The following NRXN1 variants were observed in gnomAD, a reference collection of about 807,000 sequenced individuals.
NRXN1 encodes neurexin 1.
A neutral mutation model predicts 150.9 loss-of-function variants in NRXN1; 39 were observed. The ratio of observed to expected loss-of-function variants is 0.26; its 90% CI spans 0.20 to 0.34. The LOEUF is 0.34. Among genes scored for constraint, NRXN1 ranks in the 10% least tolerant of loss-of-function variants. The pLI, the probability that NRXN1 is intolerant of heterozygous loss-of-function variation, is 1.00. For missense variants in NRXN1, 1,815 were observed against 1,949.9 expected (o/e 0.93, Z 1.30); for synonymous variants, 924 against 757.0 (o/e 1.22, Z -3.62).
At chr2:50,522,358 G>C (rs925359271) in intron 12 of NRXN1, among the ~76,000 whole-genome samples, 1 of 152,178 alleles carries the variant, frequency 6.6e-6, no homozygotes, top group South Asian at 2.1e-4. Context: ...AAGAGAATTT[G>C]ATCAATTTGG....
chr2:50,118,853 A>G (rs1703446005), intron 18 of NRXN1, among the ~76,000 whole-genome samples: 1 of 152,192 alleles, frequency 6.6e-6, no homozygotes, highest in African/African-American at 2.4e-5. Context: ...AGTCTGGAAT[A>G]CATTTTAATT....
chr2:50,150,346 G>A (rs116465708), intron 18 of NRXN1, among the ~76,000 whole-genome samples: 176 of 151,874 alleles, frequency 1.2e-3, no homozygotes, highest in African/African-American at 4.0e-3. Context: ...TATAAAGACA[G>A]CACAGTCCAC....
At chr2:50,281,316 C>CACAAAAAAAAAAAACAAAACAAAACA (rs1187135501) in intron 17 of NRXN1, among the ~76,000 whole-genome samples, 4 of 124,630 alleles carry the variant, frequency 3.2e-5, no homozygotes, top group African/African-American at 1.1e-4. Context: ...GACTCCGTCT[C>CACAAAAAAAAAAAACAAAACAAAACA]AAAAACAATA....
intron 5 of NRXN1, among the ~76,000 whole-genome samples, chr2:50,787,445 C>T (rs1465764492): frequency 6.6e-6 from 1 of 151,700 alleles, no homozygotes; most frequent in South Asian, 2.1e-4. Flanking sequence ...GCCTGTAATC[C>T]CAGCTATTCG....
At chr2:50,432,093 A>C (rs371929146) in intron 17 of NRXN1, among the ~76,000 whole-genome samples, 5 of 152,138 alleles carry the variant, frequency 3.3e-5, no homozygotes, top group Non-Finnish European at 5.9e-5. Context: ...TGCGGAGAAG[A>C]CTTCCTAGTT....
intron 18 of NRXN1, among the ~76,000 whole-genome samples, chr2:50,185,252 T>A (rs1395650383): frequency 3.3e-5 from 5 of 152,060 alleles, no homozygotes; most frequent in Non-Finnish European, 7.4e-5. Context: ...TGGCACACAT[T>A]TTATATCACT....
intron 10 of NRXN1, among the ~76,000 whole-genome samples, chr2:50,534,243 C>T (rs2093195090): frequency 6.6e-6 from 1 of 152,030 alleles, no homozygotes; most frequent in Non-Finnish European, 1.5e-5. Flanking sequence ...CAGTACTGTG[C>T]ATGAACGAAA....
intron 18 of NRXN1, among the ~76,000 whole-genome samples, chr2:50,107,699 C>A (rs1701872157): frequency 6.6e-6 from 1 of 151,382 alleles, no homozygotes; most frequent in South Asian, 2.1e-4. Flanking sequence ...ACAATAATTG[C>A]AGAAATTACT....
chr2:50,838,594 G>A (rs140457807), intron 5 of NRXN1, among the ~76,000 whole-genome samples: 3 of 152,086 alleles, frequency 2.0e-5, no homozygotes, highest in East Asian at 3.9e-4. Flanking sequence ...TATGACTGGC[G>A]TCTTTATAAA....
At chr2:50,666,576 C>G (rs1241690861) in intron 5 of NRXN1, among the ~76,000 whole-genome samples, 1 of 151,760 alleles carries the variant, frequency 6.6e-6, no homozygotes, top group Non-Finnish European at 1.5e-5. Context: ...TCAGTTCTTC[C>G]ACATTTTCGC....
chr2:50,292,676 A>G (rs554266822), intron 17 of NRXN1, among the ~76,000 whole-genome samples: 1 of 152,302 alleles, frequency 6.6e-6, no homozygotes, highest in South Asian at 2.1e-4. Flanking sequence ...ATTTTTTTCA[A>G]ACTAACATAA....
At chr2:50,051,946 T>C (rs910719564) in intron 21 of NRXN1, among the ~76,000 whole-genome samples, 6 of 152,066 alleles carry the variant, frequency 3.9e-5, no homozygotes, top group African/African-American at 1.2e-4. Context: ...TAAGTGCACA[T>C]GTAGGTACAA....
chr2:50,342,864 G>C (rs556152212), intron 17 of NRXN1, among the ~76,000 whole-genome samples: 3 of 152,186 alleles, frequency 2.0e-5, no homozygotes, highest in Non-Finnish European at 2.9e-5. Flanking sequence ...CAGACATCTG[G>C]CTCCGTCTTT....
chr2:50,145,188 G>C (rs1419516051), intron 18 of NRXN1, among the ~76,000 whole-genome samples: 1 of 151,016 alleles, frequency 6.6e-6, no homozygotes, highest in Non-Finnish European at 1.5e-5. Flanking sequence ...ATATAGAAAA[G>C]GTGCAAAAAA....
At chr2:50,685,236 C>T (rs923926548) in intron 5 of NRXN1, among the ~76,000 whole-genome samples, 4 of 152,100 alleles carry the variant, frequency 2.6e-5, no homozygotes, top group African/African-American at 9.7e-5. Context: ...TTCTTTTGCT[C>T]TGTAATTGCC....
intron 10 of NRXN1, among the ~76,000 whole-genome samples, chr2:50,532,836 TGGTAGTGGAATA>T (rs1194082959): frequency 7.2e-5 from 11 of 152,136 alleles, no homozygotes; most frequent in Non-Finnish European, 1.2e-4. Context: ...AAGCACCATA[TGGTAGTGGAATA>T]TTGCAAAACA....
rs895833690 is a variant in NRXN1, at chr2:51,014,994, C to T, written c.772+12508G>A. On this transcript the variant is annotated intron_variant, in intron 2 of 22. Coordinates refer to ENST00000401669, the MANE Select transcript of NRXN1 (RefSeq NM_001330078.2). Reference sequence around the variant, plus strand: ...TCTGTAGGTTAAATGTAGACAATTACGTATTTATTCTTGTCTTTTCCTTCC... The same window carrying T: ...TCTGTAGGTTAAATGTAGACAATTATGTATTTATTCTTGTCTTTTCCTTCC... Among the ~76,000 whole-genome samples the T allele has an allele frequency of 3.3e-4, 50 of 152,124 alleles. 1 individual carries two copies. The highest frequency in any genetic ancestry group is 2.6e-3 in the Admixed American group (40 of 15,258).
At chr2:50,334,864 A>C (rs2077079792) in intron 17 of NRXN1, among the ~76,000 whole-genome samples, 1 of 152,182 alleles carries the variant, frequency 6.6e-6, no homozygotes, top group Non-Finnish European at 1.5e-5. Flanking sequence ...GGCGATACAG[A>C]CTATAACTTT....
intron 17 of NRXN1, among the ~76,000 whole-genome samples, chr2:50,293,841 T>C (rs184401330): frequency 6.6e-6 from 1 of 152,280 alleles, no homozygotes; most frequent in East Asian, 1.9e-4. Flanking sequence ...ATGTTCTAGT[T>C]CTTTAGGATG....
Sources: allele counts gnomAD v4.1 joint callset (sites outside exome capture counted in the v4.1 genomes callset), GRCh38; gene constraint gnomAD v4.1.1; transcripts MANE v1.5; gene names NCBI Gene and HGNC (gene_info 2026-07-23, HGNC 2026-07-21).